The following PPP2R2A variants were observed in gnomAD, a reference collection of about 807,000 sequenced individuals.
The protein encoded by PPP2R2A is protein phosphatase 2 regulatory subunit Balpha, also known as serine/threonine-protein phosphatase 2A 55 kDa regulatory subunit B alpha isoform.
PPP2R2A carries 9 observed loss-of-function variants against 53.2 expected under a neutral mutation model. That is an observed-to-expected ratio of 0.17 (90% CI 0.10 to 0.30). The LOEUF is 0.30. Ranked by LOEUF, PPP2R2A falls within the 10% of genes least tolerant of loss-of-function variation. The pLI is 1.00. For missense variants in PPP2R2A, 235 were observed against 534.6 expected (o/e 0.44, Z 5.53); for synonymous variants, 169 against 174.2 (o/e 0.97, Z 0.23).
At chr8:26,330,445 G>A (rs1042488335) in intron 2 of PPP2R2A, among the ~76,000 whole-genome samples, 14 of 151,074 alleles carry the variant, frequency 9.3e-5, no homozygotes, top group African/African-American at 2.9e-4. Flanking sequence ...CTCCCACCTC[G>A]GCCTCCTGAG....
At chr8:26,310,667 C>CT (rs1802248800) in intron 2 of PPP2R2A, among the ~76,000 whole-genome samples, 10 of 33,954 alleles carry the variant, frequency 2.9e-4, no homozygotes, top group South Asian at 9.6e-4. Context: ...TTTTTTTTTT[C>CT]CTTTTTTTTT....
Position 26,370,414 on chromosome 8 carries a change from G to A in PPP2R2A, c.*1G>A. The A allele has an allele frequency of 6.2e-7, 1 of 1,612,660 alleles. No individual in the cohort carries two copies. The highest frequency in any genetic ancestry group is 1.1e-5 in the South Asian group (1 of 91,024). On this transcript the variant is annotated 3_prime_UTR_variant, in exon 10 of 10. Transcript: ENST00000380737. This position sits in a 1 kb window ranked among gnomAD's most constrained non-coding sequence, Gnocchi z 6.1. ...TATATTTCAAGACAAAGTGAATTAG[G>A]GTTGGCATTCCTAGCAGAAGAACCC...
intron 2 of PPP2R2A, among the ~76,000 whole-genome samples, chr8:26,315,797 G>C (rs80245820): frequency 0.022 from 3,369 of 152,184 alleles, 46 homozygotes; most frequent in Middle Eastern, 0.048. Context: ...ATTTTAGACT[G>C]TTTTTATTAG....
At position 26,372,606 on chromosome 8, in the gene PPP2R2A, A is replaced by G. The variant is rs774869146; in HGVS notation, c.*2193A>G. 92 of 152,200 alleles carry G rather than the reference A, an allele frequency of 6.0e-4. 1 individual carries two copies. The highest frequency in any genetic ancestry group is 2.1e-4 in the Non-Finnish European group (14 of 68,030). The allele number at this position is 152,200 out of a possible 1,614,324, so 9.4% of individuals were successfully genotyped here. ...ATTTTTTAATTTCATTGGTGTAGCA[A>G]ACTCTAAGCCCAGCCACTCATTTTA... On this transcript the variant is annotated 3_prime_UTR_variant, in exon 10 of 10. Transcript: ENST00000380737.
chr8:26,299,703 T>A (rs1801696627), intron 2 of PPP2R2A, among the ~76,000 whole-genome samples: 1 of 151,994 alleles, frequency 6.6e-6, no homozygotes, highest in African/African-American at 2.4e-5. Context: ...TTAAAATCAT[T>A]TCTCTTCTGC....
intron 6 of PPP2R2A, among the ~76,000 whole-genome samples, chr8:26,361,749 C>T (rs984079584): frequency 2.6e-5 from 4 of 151,994 alleles, no homozygotes; most frequent in Non-Finnish European, 4.4e-5. Context: ...CACCTAAGGT[C>T]AGTAGTTCAA....
chr8:26,349,582 G>C (rs868511165), intron 3 of PPP2R2A, among the ~76,000 whole-genome samples: 2 of 152,164 alleles, frequency 1.3e-5, no homozygotes, highest in African/African-American at 2.4e-5. Flanking sequence ...CATAGTGGCT[G>C]CAACATATGT....
chr8:26,357,897 CTG>C (rs1252330227), intron 4 of PPP2R2A, among the ~76,000 whole-genome samples: 6 of 152,072 alleles, frequency 3.9e-5, no homozygotes, highest in African/African-American at 7.2e-5. Context: ...CCACTGAAAA[CTG>C]TGTTTTTACA....
chr8:26,354,386 G>C lies in PPP2R2A; in HGVS notation c.181-82G>C, dbSNP rs1357581791. ...ACTAATGGGGTATTGAGAATGTGCA[G>C]GGTCCTTTGGAATTGATTACATATT... On this transcript the variant is annotated intron_variant, in intron 3 of 9. Transcript: ENST00000380737. This position sits in a 1 kb window ranked among gnomAD's most constrained non-coding sequence, Gnocchi z 4.6. The C allele has an allele frequency of 6.0e-6, 7 of 1,169,580 alleles. No individual in the cohort carries two copies. In the Middle Eastern group the frequency reaches 9.4e-4, roughly 157 times the overall value. The allele number at this position is 1,169,580 out of a possible 1,614,324, so 72.5% of individuals were successfully genotyped here.
chr8:26,339,049 C>G (rs930327028), intron 3 of PPP2R2A, 62 bp downstream of exon 3: 2 of 1,226,106 alleles, frequency 1.6e-6, no homozygotes, highest in Non-Finnish European at 2.4e-6. Flanking sequence ...GCTTGTGTTG[C>G]ACTGGAGAAT....
intron 2 of PPP2R2A, among the ~76,000 whole-genome samples, chr8:26,323,229 G>C (rs189601666): frequency 4.1e-4 from 63 of 152,230 alleles, no homozygotes; most frequent in African/African-American, 1.3e-3. Context: ...TCCCTAATCT[G>C]CTGTCAGATC....
At chr8:26,333,558 C>G (rs1413322388) in intron 2 of PPP2R2A, 1 of 1,175,152 alleles carries the variant, frequency 8.5e-7, no homozygotes, top group East Asian at 5.9e-5. Context: ...TGCCTCACAA[C>G]ACAAGAGCTG....
rs1802858024 is a variant in PPP2R2A, at chr8:26,321,862, A to T, written c.83-17028A>T. Among the ~76,000 whole-genome samples, 1 of 152,202 alleles carries T rather than the reference A, an allele frequency of 6.6e-6. No individual in the cohort carries two copies. Among genetic ancestry groups the T allele is most frequent in the Admixed American group, 6.5e-5 (1 of 15,272 alleles). ...GACAATTTTTAAGGCAGCAATAGAGAACTTATATAGGAAGTAACAATGTCA... is the reference window on the plus strand; with the variant it reads ...GACAATTTTTAAGGCAGCAATAGAGTACTTATATAGGAAGTAACAATGTCA... On this transcript the variant is annotated intron_variant, in intron 2 of 9. Transcript: ENST00000380737. This position sits in a 1 kb window ranked among gnomAD's most constrained non-coding sequence, Gnocchi z 4.1.
In PPP2R2A at chr8:26,323,618, C is replaced by T. The variant is rs117457899; in HGVS notation, c.83-15272C>T. Among the ~76,000 whole-genome samples, 1,220 of 152,280 alleles carry T rather than the reference C, an allele frequency of 8.0e-3. 9 individuals carry two copies. Among genetic ancestry groups the T allele is most frequent in the Non-Finnish European group, 0.012 (848 of 68,000 alleles). ...ACATTTACCACTTTATTATGAAGGG[C>T]ATTTTAAAGGATACAAATGAACAGC... On this transcript the variant is annotated intron_variant, in intron 2 of 9. Transcript: ENST00000380737.
At chr8:26,346,030 T>A (rs949253635) in intron 3 of PPP2R2A, among the ~76,000 whole-genome samples, 1 of 151,998 alleles carries the variant, frequency 6.6e-6, no homozygotes, top group Non-Finnish European at 1.5e-5. Context: ...AATTTATTAT[T>A]TAGTTAGACT....
chr8:26,354,447 A>G lies in PPP2R2A; in HGVS notation c.181-21A>G, dbSNP rs1804673042. 1 of 1,494,326 alleles carries G rather than the reference A, an allele frequency of 6.7e-7. No homozygotes were observed. Among genetic ancestry groups the G allele is most frequent in the Non-Finnish European group, 9.0e-7 (1 of 1,110,106 alleles). The allele number at this position is 1,494,326 out of a possible 1,614,324, so 92.6% of individuals were successfully genotyped here. On this transcript the variant is annotated intron_variant, in intron 3 of 9. Transcript: ENST00000380737. The surrounding 1 kb of genome is among the most constrained non-coding windows in gnomAD (Gnocchi z 4.6). ...GAAATATTTTTCAACAATGGTCCAT[A>G]TATTTTTGTTTTCATTTTAGAACAA...
intron 9 of PPP2R2A, among the ~76,000 whole-genome samples, chr8:26,367,424 C>T (rs192217575): frequency 5.5e-4 from 83 of 152,184 alleles, no homozygotes; most frequent in Admixed American, 2.0e-3. Context: ...GTTTTATGTT[C>T]TATTATCAGA....
chr8:26,311,581 A>C (rs1563289014), intron 2 of PPP2R2A, among the ~76,000 whole-genome samples: 2 of 152,144 alleles, frequency 1.3e-5, no homozygotes, highest in Non-Finnish European at 2.9e-5. Flanking sequence ...AGGTGAGAGG[A>C]GCACTTGAAG....
intron 2 of PPP2R2A, among the ~76,000 whole-genome samples, chr8:26,332,058 T>C (rs1803407073): frequency 6.6e-6 from 1 of 152,096 alleles, no homozygotes; most frequent in South Asian, 2.1e-4. Context: ...ATCAGATGGT[T>C]AAAAATACTT....
Sources: gnomAD v4.1 joint callset for allele counts (sites outside exome capture counted in the v4.1 genomes callset) on GRCh38, gnomAD v4.1.1 for gene constraint, Gnocchi (gnomAD v3.1) non-coding constraint, MANE v1.5 for transcripts, NCBI Gene and HGNC (gene_info 2026-07-23, HGNC 2026-07-21) for gene names.